The following SRPK2 variants were observed in gnomAD, a reference collection of about 807,000 sequenced individuals.
The protein encoded by SRPK2 is SRSF protein kinase 2.
In SRPK2, 21 loss-of-function variants were observed where a neutral mutation model predicts 90.8. The observed-to-expected ratio is 0.23, with a 90% confidence interval of 0.16 to 0.33. SRPK2 has a LOEUF of 0.33. Ranked by LOEUF, SRPK2 falls within the 10% of genes least tolerant of loss-of-function variation. The probability of loss-of-function intolerance (pLI) is 1.00; values close to 1 mark genes in which losing one functional copy is unlikely to be tolerated. For missense variants in SRPK2, 620 were observed against 869.0 expected (o/e 0.71, Z 3.60); for synonymous variants, 288 against 311.1 (o/e 0.93, Z 0.78).
intron 2 of SRPK2, among the ~76,000 whole-genome samples, chr7:105,331,246 T>A (rs1344917840): frequency 7.6e-6 from 1 of 131,536 alleles, no homozygotes. Context: ...GAGGCAGAGG[T>A]TGCAGTGAGC....
intron 2 of SRPK2, among the ~76,000 whole-genome samples, chr7:105,347,534 G>T (rs571917273): frequency 3.3e-4 from 50 of 152,090 alleles, no homozygotes; most frequent in African/African-American, 1.2e-3. Flanking sequence ...ATATTCAGCC[G>T]AAGAATGAGG....
intron 2 of SRPK2, among the ~76,000 whole-genome samples, chr7:105,252,747 C>CT (rs140386836): frequency 5.3e-4 from 69 of 130,140 alleles, no homozygotes; most frequent in East Asian, 4.7e-3. Context: ...TTTTTTTTTT[C>CT]TTTTTTTTTT....
chr7:105,211,115 T>C (rs932845178), intron 2 of SRPK2, among the ~76,000 whole-genome samples: 3 of 152,172 alleles, frequency 2.0e-5, no homozygotes, highest in African/African-American at 7.2e-5. Flanking sequence ...TAAACAGGTG[T>C]TGTTTTAAGC....
intron 2 of SRPK2, among the ~76,000 whole-genome samples, chr7:105,280,657 G>A (rs1242948871): frequency 9.0e-4 from 24 of 26,610 alleles, no homozygotes; most frequent in African/African-American, 1.7e-3. Flanking sequence ...TTAAAAAAAA[G>A]GGGGGGGGGG....
intron 2 of SRPK2, among the ~76,000 whole-genome samples, chr7:105,316,315 C>G (rs1401451889): frequency 6.6e-6 from 1 of 152,146 alleles, no homozygotes; most frequent in Non-Finnish European, 1.5e-5. Context: ...AAATACCTCT[C>G]AAATTACTGT....
rs1554435876 is a variant in SRPK2 at position 105,170,934 on chromosome 7, GGAAAGAAAGAAA to G, written c.230-1681_230-1670del. On this transcript the variant is annotated intron_variant, in intron 3 of 15. Coordinates refer to ENST00000393651, the MANE Select transcript of SRPK2 (RefSeq NM_182692.3). The stretch of plus-strand genomic sequence containing the variant: ...AAGAAAGGAGAAAGAAAAAGAAAAA[GGAAAGAAAGAAA>G]GAAAGAAAGAAAGAAAGAAAGAGAA... 2.1e-4 allele frequency among the ~76,000 whole-genome samples: 6 copies of G among 29,152 alleles called. 1 individual carries two copies. Among genetic ancestry groups the G allele is most frequent in the East Asian group, 1.2e-3 (2 of 1,682 alleles). The allele number at this position is 29,152 out of a possible 152,430, so 19.1% of individuals were successfully genotyped here.
At chr7:105,235,485 T>C (rs150817407) in intron 2 of SRPK2, among the ~76,000 whole-genome samples, 18 of 151,204 alleles carry the variant, frequency 1.2e-4, no homozygotes, top group African/African-American at 4.4e-4. Context: ...TGTGTGTGCA[T>C]GTGCATGCAT....
chr7:105,231,828 T>C (rs1799457101), intron 2 of SRPK2, among the ~76,000 whole-genome samples: 1 of 152,228 alleles, frequency 6.6e-6, no homozygotes, highest in Non-Finnish European at 1.5e-5. Flanking sequence ...AGATACATCA[T>C]TTGCAAATAT....
At chr7:105,344,274 CTTTA>C (rs1304999165) in intron 2 of SRPK2, among the ~76,000 whole-genome samples, 12 of 145,066 alleles carry the variant, frequency 8.3e-5, no homozygotes, top group Non-Finnish European at 1.5e-4. Context: ...TTCAAAAAAA[CTTTA>C]TTTATGGACA....
At chr7:105,129,858 C>T (rs747294069) in intron 13 of SRPK2, among the ~76,000 whole-genome samples, 4 of 152,060 alleles carry the variant, frequency 2.6e-5, no homozygotes, top group African/African-American at 4.8e-5. Flanking sequence ...AATAAGATCA[C>T]GTATTTGTTC....
chr7:105,301,890 T>C (rs1810594599), intron 2 of SRPK2: 3 of 1,600,082 alleles, frequency 1.9e-6, no homozygotes, highest in South Asian at 2.2e-5. Context: ...ACAACATCGA[T>C]AAGCAATATC....
At chr7:105,323,967 TTG>T (rs58288208) in intron 2 of SRPK2, among the ~76,000 whole-genome samples, 3,991 of 133,792 alleles carry the variant, frequency 0.03, 56 homozygotes, top group African/African-American at 0.039. Context: ...AGACTATTCT[TTG>T]TGTGTGTGTG....
At position 105,388,831 on chromosome 7, in the gene SRPK2, G is replaced by A; in HGVS notation, c.-25C>T. 2.2e-6 allele frequency: 3 copies of A among 1,344,186 alleles called. No homozygotes were observed. The highest frequency in any genetic ancestry group is 2.8e-6 in the Non-Finnish European group (3 of 1,053,500). 83.3% of individuals were successfully genotyped at this position (1,344,186 alleles called of 1,614,324 possible). A position where few individuals can be genotyped will look rare whatever the true frequency, so the allele number is the denominator to read the frequency against. On this transcript the variant is annotated 5_prime_UTR_variant, in exon 1 of 16. Transcript: ENST00000393651. ...TTCCGACGCGGCGGAAGCGGGGCGG[G>A]GGGCTTCGCGACGGCGACGCGGGCG...
chr7:105,167,187 G>A (rs1790182029), intron 6 of SRPK2, among the ~76,000 whole-genome samples, 190 bp downstream of exon 6: 1 of 152,082 alleles, frequency 6.6e-6, no homozygotes, highest in South Asian at 2.1e-4. Context: ...AAGTTTCTAA[G>A]ATGCTACTCT....
At chr7:105,143,602 C>CT (rs1348283556) in intron 9 of SRPK2, 2 of 410,832 alleles carry the variant, frequency 4.9e-6, no homozygotes, top group East Asian at 4.4e-5. Context: ...CATTCAAACT[C>CT]TAAGAGAACT....
At chr7:105,167,755 T>C (rs1167672502) in intron 5 of SRPK2, among the ~76,000 whole-genome samples, 1 of 152,004 alleles carries the variant, frequency 6.6e-6, no homozygotes, top group African/African-American at 2.4e-5. Flanking sequence ...AGATTACAGG[T>C]GCCCACCACC....
At chr7:105,353,977 C>A (rs1049878482) in intron 2 of SRPK2, among the ~76,000 whole-genome samples, 1 of 152,192 alleles carries the variant, frequency 6.6e-6, no homozygotes, top group Non-Finnish European at 1.5e-5. Context: ...ACAAGGAAGC[C>A]TGAGCAGTTG....
chr7:105,383,847 T>C (rs932204354), intron 2 of SRPK2, among the ~76,000 whole-genome samples: 1 of 152,196 alleles, frequency 6.6e-6, no homozygotes, highest in Non-Finnish European at 1.5e-5. Context: ...GAAAACATTG[T>C]TCTAAGGAAA....
intron 6 of SRPK2, among the ~76,000 whole-genome samples, chr7:105,161,080 C>T (rs531703339): frequency 1.3e-5 from 2 of 152,222 alleles, no homozygotes; most frequent in Admixed American, 6.5e-5. Context: ...TGCCCGCCAC[C>T]ACGCTCGGCT....
Sources: allele counts gnomAD v4.1 joint callset (sites outside exome capture counted in the v4.1 genomes callset), GRCh38; gene constraint gnomAD v4.1.1; transcripts MANE v1.5; gene names NCBI Gene and HGNC (gene_info 2026-07-23, HGNC 2026-07-21).